ALKBH8: variants seen among roughly 807,000 people sequenced by gnomAD.
ALKBH8 encodes alkB homolog 8, tRNA methyltransferase.
Under a neutral mutation model 59.8 loss-of-function variants are expected in ALKBH8, and 36 were observed. That is an observed-to-expected ratio of 0.60 (90% CI 0.46 to 0.79). ALKBH8 has a LOEUF of 0.79. Ranked by LOEUF, ALKBH8 falls within the 30% of genes least tolerant of loss-of-function variation. The pLI is 0.00. For missense variants in ALKBH8, 768 were observed against 801.0 expected, an observed-to-expected ratio of 0.96 and a Z score of 0.50; for synonymous variants, 276 against 273.6, an observed-to-expected ratio of 1.01 and a Z score of -0.09.
At position 107,549,779 on chromosome 11, in the gene ALKBH8, TCTC is replaced by T; in HGVS notation, c.742_744del (p.Glu248del). 1.3e-6 allele frequency: 2 copies of T among 1,550,238 alleles called. No individual in the cohort carries two copies. Among genetic ancestry groups the T allele is most frequent in the Non-Finnish European group, 1.7e-6 (2 of 1,145,824 alleles). The stretch of plus-strand genomic sequence containing the variant: ...TCTGACCCCAAACTGAGAGAAACGA[TCTC>T]ATCCTCAAAAGCGGAATGTGTATCA... On this transcript the variant is annotated inframe_deletion, in exon 7 of 12. Coordinates refer to ENST00000428149, the MANE Select transcript of ALKBH8 (RefSeq NM_138775.3).
chr11:107,537,692 C>A (rs993893662), intron 7 of ALKBH8, among the ~76,000 whole-genome samples: 1 of 146,756 alleles, frequency 6.8e-6, no homozygotes, highest in South Asian at 2.3e-4. Context: ...GCACATGTAC[C>A]CCTGAACTTA....
At chr11:107,555,041 C>T (rs1243274088) in intron 3 of ALKBH8, among the ~76,000 whole-genome samples, 2 of 152,114 alleles carry the variant, frequency 1.3e-5, no homozygotes, top group South Asian at 2.1e-4. Flanking sequence ...GGGCGGATCA[C>T]GAGGTCAGGA....
At chr11:107,520,674 C>T (rs2135496366) in intron 10 of ALKBH8, among the ~76,000 whole-genome samples, 1 of 152,292 alleles carries the variant, frequency 6.6e-6, no homozygotes, top group East Asian at 1.9e-4. Flanking sequence ...TCAACATGAA[C>T]AAACTTAACT....
intron 7 of ALKBH8, among the ~76,000 whole-genome samples, chr11:107,548,855 CTTTT>C (rs56654607): frequency 6.8e-6 from 1 of 146,748 alleles, no homozygotes; most frequent in Non-Finnish European, 1.5e-5. Flanking sequence ...GATTTTCTTT[CTTTT>C]TTTTTTTTTG....
chr11:107,507,285 C>T lies in ALKBH8; in HGVS notation c.1438-2070G>A, dbSNP rs559135216. Reference sequence around the variant, plus strand: ...AAGTAACACACATTGTATTGTACACCCAAGTAGCCCATTCAAAATGGCCAA... The same window carrying T: ...AAGTAACACACATTGTATTGTACACTCAAGTAGCCCATTCAAAATGGCCAA... On this transcript the variant is annotated intron_variant, in intron 11 of 11. Coordinates refer to ENST00000428149, the MANE Select transcript of ALKBH8 (RefSeq NM_138775.3). Among the ~76,000 whole-genome samples the T allele has an allele frequency of 2.2e-4, 33 of 152,096 alleles. No homozygotes were observed. In the South Asian group the frequency reaches 6.7e-3, roughly 31 times the overall value.
Position 107,504,476 on chromosome 11 carries a change from G to T in ALKBH8, c.*182C>A, listed in dbSNP as rs1287436451. ...TAGGAGGAGCCAACACCACATCTGT[G>T]ATGTCAGCCAACAGGAGACATTTGA... On this transcript the variant is annotated 3_prime_UTR_variant, in exon 12 of 12. Transcript: ENST00000428149. The T allele has an allele frequency of 1.3e-6, 1 of 751,264 alleles. No individual in the cohort carries two copies. Among genetic ancestry groups the T allele is most frequent in the Non-Finnish European group, 2.3e-6 (1 of 437,088 alleles). 46.5% of individuals were successfully genotyped at this position (751,264 alleles called of 1,614,324 possible). A position where few individuals can be genotyped will look rare whatever the true frequency, so the allele number is the denominator to read the frequency against.
chr11:107,551,694 C>CAAAA (rs1204968155), intron 6 of ALKBH8, 114 bp downstream of exon 6: 13 of 241,324 alleles, frequency 5.4e-5, no homozygotes, highest in African/African-American at 1.2e-4. Flanking sequence ...AACTCCATCT[C>CAAAA]AAAAAAAAAA....
intron 11 of ALKBH8, among the ~76,000 whole-genome samples, chr11:107,506,191 G>A (rs1862377077): frequency 6.6e-6 from 1 of 152,028 alleles, no homozygotes; most frequent in Non-Finnish European, 1.5e-5. Context: ...ACAGAAGTAG[G>A]AACAAAAATA....
intron 11 of ALKBH8, among the ~76,000 whole-genome samples, chr11:107,508,123 C>G (rs1422056051): frequency 6.6e-6 from 1 of 151,500 alleles, no homozygotes; most frequent in Non-Finnish European, 1.5e-5. Context: ...TCTTCTCCAT[C>G]TTGTGCCCAG....
At chr11:107,559,521 T>C (rs948169317) in intron 2 of ALKBH8, among the ~76,000 whole-genome samples, 3 of 152,122 alleles carry the variant, frequency 2.0e-5, no homozygotes. Flanking sequence ...TTTTTCTTGC[T>C]ACTTCTCTTC....
chr11:107,532,563 C>T (rs938419125), intron 7 of ALKBH8, among the ~76,000 whole-genome samples, 157 bp from the exon 8 acceptor site: 8 of 152,176 alleles, frequency 5.3e-5, no homozygotes, highest in Non-Finnish European at 1.0e-4. Context: ...TCAAACTTTA[C>T]TGTACATGAG....
intron 7 of ALKBH8, among the ~76,000 whole-genome samples, chr11:107,540,988 T>C (rs1271614686): frequency 6.6e-6 from 1 of 152,178 alleles, no homozygotes; most frequent in Non-Finnish European, 1.5e-5. Flanking sequence ...TATTTGTTTA[T>C]TTTCTGGGCT....
In ALKBH8 at chr11:107,558,624, T is replaced by C. The variant is rs142759415; in HGVS notation, c.130-1621A>G. Reference sequence around the variant, plus strand: ...AGTGTTTTGTGGGCAACTCTAAAGGTAAACCACACAAAAACAAGTGCGGTA... The same window carrying C: ...AGTGTTTTGTGGGCAACTCTAAAGGCAAACCACACAAAAACAAGTGCGGTA... On this transcript the variant is annotated intron_variant, in intron 2 of 11. Coordinates refer to ENST00000428149, the MANE Select transcript of ALKBH8 (RefSeq NM_138775.3). 4.5e-4 allele frequency among the ~76,000 whole-genome samples: 69 copies of C among 152,204 alleles called. No homozygotes were observed. The East Asian group carries it at 8.5e-3, about 19-fold the overall frequency.
At chr11:107,520,854 A>T (rs1863081531) in intron 10 of ALKBH8, among the ~76,000 whole-genome samples, 1 of 152,188 alleles carries the variant, frequency 6.6e-6, no homozygotes, top group Admixed American at 6.5e-5. Flanking sequence ...TATGAGTTGC[A>T]CATCCAGGGA....
At chr11:107,527,317 G>A (rs1045356704) in intron 8 of ALKBH8, among the ~76,000 whole-genome samples, 6 of 151,918 alleles carry the variant, frequency 3.9e-5, no homozygotes, top group Admixed American at 3.3e-4. Flanking sequence ...CGCAGGGAAT[G>A]TGCTAATCCT....
At chr11:107,542,918 G>GAACA (rs1864101826) in intron 7 of ALKBH8, among the ~76,000 whole-genome samples, 1 of 151,546 alleles carries the variant, frequency 6.6e-6, no homozygotes, top group Non-Finnish European at 1.5e-5. Flanking sequence ...TCAAAAAACA[G>GAACA]GAATATTTGC....
At chr11:107,532,260 C>T in intron 8 of ALKBH8, 40 bp downstream of exon 8, 1 of 1,544,280 alleles carries the variant, frequency 6.5e-7, no homozygotes. Context: ...AATGAGAAGT[C>T]TCATAAAGAA....
intron 10 of ALKBH8, among the ~76,000 whole-genome samples, chr11:107,518,363 T>C (rs1417489006): frequency 2.0e-5 from 3 of 152,236 alleles, no homozygotes; most frequent in Non-Finnish European, 2.9e-5. Flanking sequence ...TGTGCGATTA[T>C]GGTTCACTGC....
intron 3 of ALKBH8, among the ~76,000 whole-genome samples, chr11:107,556,010 T>C (rs2135582869): frequency 6.6e-6 from 1 of 152,348 alleles, no homozygotes; most frequent in East Asian, 1.9e-4. Context: ...CCGGGCACGG[T>C]GGCTCACGCC....
Sources: gnomAD v4.1 joint callset for allele counts (sites outside exome capture counted in the v4.1 genomes callset) on GRCh38, gnomAD v4.1.1 for gene constraint, MANE v1.5 for transcripts, NCBI Gene and HGNC (gene_info 2026-07-23, HGNC 2026-07-21) for gene names.